RBFOX1: variants seen among roughly 807,000 people sequenced by gnomAD.
The protein encoded by RBFOX1 is RNA binding protein fox-1 homolog 1.
In RBFOX1, 8 loss-of-function variants were observed where a neutral mutation model predicts 57.7. The observed-to-expected ratio is 0.14, with a 90% CI of 0.08 to 0.25. The LOEUF is 0.25. RBFOX1 is among the 10% of genes least tolerant of loss of function. The pLI, the probability that RBFOX1 is intolerant of heterozygous loss-of-function variation, is 1.00. For missense variants in RBFOX1, 611 were observed against 548.5 expected (o/e 1.11, Z -1.14); for synonymous variants, 326 against 222.4 (o/e 1.47, Z -4.15).
At chr16:7,131,955 A>G (rs78031669) in intron 4 of RBFOX1, among the ~76,000 whole-genome samples, 3,760 of 151,582 alleles carry the variant, frequency 0.025, 161 homozygotes, top group African/African-American at 0.086. Flanking sequence ...AATCACCTGG[A>G]GAACTTTAAA....
chr16:6,773,564 A>G (rs1383211125), intron 3 of RBFOX1, among the ~76,000 whole-genome samples: 6 of 107,526 alleles, frequency 5.6e-5, no homozygotes, highest in East Asian at 3.3e-4. Flanking sequence ...TTGTGTGTGT[A>G]TGTGTGGGTG....
intron 4 of RBFOX1, among the ~76,000 whole-genome samples, chr16:7,173,400 A>G (rs935506973): frequency 5.3e-5 from 8 of 152,248 alleles, no homozygotes; most frequent in Admixed American, 3.3e-4. Flanking sequence ...TTCAGAAACA[A>G]CAGGGTATAC....
At chr16:7,294,506 A>T (rs374260488) in intron 4 of RBFOX1, among the ~76,000 whole-genome samples, 4 of 150,426 alleles carry the variant, frequency 2.7e-5, no homozygotes, top group African/African-American at 7.3e-5. Flanking sequence ...AGAAATGATG[A>T]TAGGAAAGTG....
chr16:6,920,750 G>C (rs1455432777), intron 3 of RBFOX1, among the ~76,000 whole-genome samples: 1 of 152,108 alleles, frequency 6.6e-6, no homozygotes, highest in East Asian at 1.9e-4. Context: ...ATCTGCAGTG[G>C]GCTTTCCCTC....
At chr16:5,623,125 A>T (rs1169346501) in intron 3 of RBFOX1, among the ~76,000 whole-genome samples, 6 of 152,162 alleles carry the variant, frequency 3.9e-5, no homozygotes, top group African/African-American at 1.4e-4. Flanking sequence ...ATTTCAGAGA[A>T]ACTGGCCAAT....
chr16:6,276,421 GC>G (rs540291006), intron 1 of RBFOX1, among the ~76,000 whole-genome samples: 83 of 152,210 alleles, frequency 5.5e-4, no homozygotes, highest in African/African-American at 1.9e-3. Flanking sequence ...TACCACCTCT[GC>G]CTCCTGGGTT....
chr16:7,279,740 C>G (rs1483815422), intron 4 of RBFOX1, among the ~76,000 whole-genome samples: 3 of 152,176 alleles, frequency 2.0e-5, no homozygotes, highest in Admixed American at 1.3e-4. Flanking sequence ...GTTGCCTGAC[C>G]TGAATGAGTG....
At chr16:6,584,189 C>T (rs992129659) in intron 2 of RBFOX1, among the ~76,000 whole-genome samples, 1 of 151,754 alleles carries the variant, frequency 6.6e-6, no homozygotes, top group African/African-American at 2.4e-5. Context: ...TCTATTTTCT[C>T]AGTAAAACAA....
At chr16:5,471,935 G>C (rs4786688) in intron 2 of RBFOX1, among the ~76,000 whole-genome samples, 13,529 of 152,130 alleles carry the variant, frequency 0.089, 959 homozygotes, top group African/African-American at 0.2. Flanking sequence ...GGAAAAAAGT[G>C]TGTTTTTGGC....
chr16:6,467,407 A>G (rs985067670), intron 2 of RBFOX1, among the ~76,000 whole-genome samples: 4 of 152,120 alleles, frequency 2.6e-5, no homozygotes, highest in Non-Finnish European at 5.9e-5. Context: ...TTTAATAATT[A>G]TTTATGTTAC....
At chr16:6,898,734 A>G (rs566537232) in intron 3 of RBFOX1, among the ~76,000 whole-genome samples, 2 of 152,004 alleles carry the variant, frequency 1.3e-5, no homozygotes, top group African/African-American at 4.8e-5. Context: ...TGTATGATAC[A>G]TGTGTATGTG....
chr16:6,073,002 A>G (rs1376732), intron 1 of RBFOX1, among the ~76,000 whole-genome samples: 95,493 of 152,048 alleles, frequency 0.63, 30,289 homozygotes, highest in East Asian at 0.89. Context: ...AAAAATCTAT[A>G]ATATTCTTAT....
chr16:5,284,755 G>GTTTTTTTTTT (rs2063350890), intron 1 of RBFOX1, among the ~76,000 whole-genome samples: 1 of 28,508 alleles, frequency 3.5e-5, no homozygotes, highest in African/African-American at 1.4e-4. Context: ...TTTTGGCTTA[G>GTTTTTTTTTT]ATTTTTTTTT....
chr16:7,047,471 G>A (rs2048361597), intron 3 of RBFOX1, among the ~76,000 whole-genome samples: 3 of 152,070 alleles, frequency 2.0e-5, no homozygotes, highest in South Asian at 4.1e-4. Context: ...TTTGTCTCTG[G>A]TTGTTTTCAG....
intron 3 of RBFOX1, among the ~76,000 whole-genome samples, chr16:5,703,605 T>C (rs1174055822): frequency 1.3e-5 from 2 of 152,208 alleles, no homozygotes; most frequent in African/African-American, 4.8e-5. Context: ...ATGCAGAGAC[T>C]CTGGAGTCAG....
intron 2 of RBFOX1, among the ~76,000 whole-genome samples, chr16:6,397,269 G>T (rs1286031670): frequency 1.3e-5 from 2 of 152,102 alleles, no homozygotes; most frequent in Non-Finnish European, 2.9e-5. Context: ...GAAAATAAAA[G>T]ATAAAAACAT....
chr16:6,822,127 G>A (rs945403203), intron 3 of RBFOX1, among the ~76,000 whole-genome samples: 1 of 152,130 alleles, frequency 6.6e-6, no homozygotes, highest in African/African-American at 2.4e-5. Flanking sequence ...GACTGAGAAA[G>A]GATACAGGGA....
chr16:6,483,167 C>T, intron 2 of RBFOX1: 3 of 1,110,028 alleles, frequency 2.7e-6, no homozygotes, highest in Non-Finnish European at 3.3e-6. Context: ...TTGGGCGTCT[C>T]ATTTGGCGAG....
At chr16:6,762,952 C>T (rs1377979006) in intron 3 of RBFOX1, among the ~76,000 whole-genome samples, 1 of 152,058 alleles carries the variant, frequency 6.6e-6, no homozygotes, top group Non-Finnish European at 1.5e-5. Flanking sequence ...AGTAGGAGTT[C>T]CCCAAATGAA....
Sources: allele counts gnomAD v4.1 joint callset (sites outside exome capture counted in the v4.1 genomes callset), GRCh38; gene constraint gnomAD v4.1.1; transcripts MANE v1.5; gene names NCBI Gene and HGNC (gene_info 2026-07-23, HGNC 2026-07-21).